AXIN1: variants seen among roughly 807,000 people sequenced by gnomAD.
The protein encoded by AXIN1 is axin-1.
Under a neutral mutation model 76.4 loss-of-function variants are expected in AXIN1, and 30 were observed. The ratio of observed to expected loss-of-function variants is 0.39; its 90% confidence interval spans 0.29 to 0.53. The LOEUF (loss-of-function observed/expected upper bound fraction) is 0.53, where lower values mean the gene tolerates loss of function less well. Ranked by LOEUF, AXIN1 falls within the 20% of genes least tolerant of loss-of-function variation. The pLI is 0.66. For synonymous variants in AXIN1, 545 were observed against 501.4 expected (o/e 1.09, Z -1.16); for missense variants, 1,140 against 1,198.8 (o/e 0.95, Z 0.72).
At chr16:332,140 C>G (rs917323821) in intron 2 of AXIN1, among the ~76,000 whole-genome samples, 3 of 152,204 alleles carry the variant, frequency 2.0e-5, no homozygotes, top group African/African-American at 7.2e-5. Context: ...TGGTCCCTGA[C>G]AGTCCTCTGT....
chr16:319,867 T>C (rs2053400266), intron 2 of AXIN1, among the ~76,000 whole-genome samples: 1 of 152,242 alleles, frequency 6.6e-6, no homozygotes, highest in Non-Finnish European at 1.5e-5. Flanking sequence ...TAGTGTGATG[T>C]GGAGGGAGCT....
Position 297,891 on chromosome 16 carries a change from C to T in AXIN1, c.1615G>A (p.Val539Ile), listed in dbSNP as rs370439934. 31 of 1,591,250 alleles carry T rather than the reference C, an allele frequency of 1.9e-5. No homozygotes were observed. Among genetic ancestry groups the T allele is most frequent in the African/African-American group, 2.7e-5 (2 of 74,646 alleles). ...TTGGGCCGGGCTGTGCTGTGGTGGA[C>T]GTGGTGGTGGACGTGTCGGTGGTGG... ...LHHHRHVHHH[V>I]HHSTARPKEQ... The change falls in exon 6 of 11, where the codon GTC becomes ATC. Residue 539 changes from valine (V) to isoleucine (I), a missense_variant. By Grantham distance (29) the Val-to-Ile change is conservative (BLOSUM62 3). Around this residue, in one of 3 missense-constraint regions of AXIN1, gnomAD observed 708 missense variants for 776.9 expected, o/e 0.91. Coordinates refer to ENST00000262320, the MANE Select transcript of AXIN1 (RefSeq NM_003502.4).
At chr16:344,441 A>AT (rs1373150162) in intron 2 of AXIN1, among the ~76,000 whole-genome samples, 4 of 151,242 alleles carry the variant, frequency 2.6e-5, no homozygotes, top group Non-Finnish European at 5.9e-5. Flanking sequence ...AAAAAAAAAA[A>AT]AAAATTAACC....
At chr16:290,892 C>T (rs1362607555) in intron 9 of AXIN1, 5 of 495,354 alleles carry the variant, frequency 1.0e-5, no homozygotes, top group Non-Finnish European at 1.9e-5. Flanking sequence ...GTCTCTGCCC[C>T]ACAGGAAGCC....
At position 352,553 on chromosome 16, in the gene AXIN1, C is replaced by CT; in HGVS notation, c.-267_-266insA. The CT allele has an allele frequency of 6.2e-6, 2 of 324,922 alleles. No homozygotes were observed. Among genetic ancestry groups the CT allele is most frequent in the Non-Finnish European group, 8.7e-6 (2 of 229,966 alleles). 20.1% of individuals were successfully genotyped at this position (324,922 alleles called of 1,614,324 possible). A position where few individuals can be genotyped will look rare whatever the true frequency, so the allele number is the denominator to read the frequency against. ...GACGCGGGGCAGGCCGCGGGGGCGCCGCAGGGGCCCAGCCGCCAGCTCCCA... is the reference window on the plus strand; with the variant it reads ...GACGCGGGGCAGGCCGCGGGGGCGCCTGCAGGGGCCCAGCCGCCAGCTCCCA... On this transcript the variant is annotated 5_prime_UTR_variant, in exon 1 of 11. Coordinates refer to ENST00000262320, the MANE Select transcript of AXIN1 (RefSeq NM_003502.4).
intron 2 of AXIN1, among the ~76,000 whole-genome samples, chr16:333,435 GAAAAA>G (rs756612335): frequency 9.8e-6 from 1 of 101,562 alleles, no homozygotes; most frequent in South Asian, 3.1e-4. Context: ...ACTCGCCTCA[GAAAAA>G]AAAAAAAAAG....
chr16:288,951 G>C (rs1021767017), intron 10 of AXIN1, among the ~76,000 whole-genome samples: 3 of 152,216 alleles, frequency 2.0e-5, no homozygotes, highest in African/African-American at 7.2e-5. Flanking sequence ...GGCCCTGGAC[G>C]GGGGTCCCTT....
At chr16:349,080 C>T (rs766812447) in intron 1 of AXIN1, among the ~76,000 whole-genome samples, 71 of 151,512 alleles carry the variant, frequency 4.7e-4, no homozygotes, top group Admixed American at 1.6e-3. Context: ...CCAGCTTGGG[C>T]GACAGAGTGA....
At chr16:292,816 C>G (rs1003430499) in intron 8 of AXIN1, 1 of 152,306 alleles carries the variant, frequency 6.6e-6, no homozygotes, top group Non-Finnish European at 1.5e-5. Context: ...GCAGCCCAGA[C>G]AGAAGCCTCC....
At position 299,158 on chromosome 16, in the gene AXIN1, G is replaced by A. The variant is rs184397887; in HGVS notation, c.1255-907C>T. The A allele has an allele frequency of 2.2e-4, 216 of 985,354 alleles. 1 individual carries two copies. In the South Asian group the frequency reaches 5.6e-3, roughly 26 times the overall value. The allele number at this position is 985,354 out of a possible 1,614,324, so 61.0% of individuals were successfully genotyped here. The stretch of plus-strand genomic sequence containing the variant: ...GCCTGACGAGCTTCCACATGAAGCC[G>A]GTGGAGTTTCACTTGATTCTCCAAG... On this transcript the variant is annotated intron_variant, in intron 5 of 10. Coordinates refer to ENST00000262320, the MANE Select transcript of AXIN1 (RefSeq NM_003502.4).
chr16:346,462 T>A lies in AXIN1; in HGVS notation c.564A>T (p.Glu188Asp), dbSNP rs2141703500. ...TGTTTTCCTCCATAGTGGCCTGGAT[T>A]TCGGTCTGGGCCTGGTCAAACATGG... is the stretch of plus-strand genomic sequence containing the variant. ...DPAMFDQAQT[E>D]IQATMEENTY... The change falls in exon 2 of 11, where the codon GAA (glutamate) becomes GAT (aspartate). Residue 188 changes from glutamate to aspartate, a missense_variant. This residue lies in a region of AXIN1 where 708 missense variants were observed against 776.9 expected (regional missense o/e 0.91). Transcript: ENST00000262320. The A allele has an allele frequency of 1.2e-6, 2 of 1,614,234 alleles. No individual in the cohort carries two copies. Among genetic ancestry groups the A allele is most frequent in the Non-Finnish European group, 1.7e-6 (2 of 1,180,042 alleles).
In AXIN1 at chr16:287,609, AGCCG is replaced by A. The variant is rs1348687614; in HGVS notation, c.*509_*512del. 1 of 316,070 alleles carries A rather than the reference AGCCG, an allele frequency of 3.2e-6. No homozygotes were observed. The highest frequency in any genetic ancestry group is 2.1e-5 in the African/African-American group (1 of 47,942). 19.6% of individuals were successfully genotyped at this position (316,070 alleles called of 1,614,324 possible). A position where few individuals can be genotyped will look rare whatever the true frequency, so the allele number is the denominator to read the frequency against. ...CAGAAAGGAGGACCCAGGACTGCAC[AGCCG>A]GCGGCTGGAGGCAGGTGCAGTGCTC... On this transcript the variant is annotated 3_prime_UTR_variant, in exon 11 of 11. Transcript: ENST00000262320.
Position 293,294 on chromosome 16 carries a change from G to C in AXIN1, c.2186+194C>G. On this transcript the variant is annotated intron_variant, in intron 8 of 10. Coordinates refer to ENST00000262320, the MANE Select transcript of AXIN1 (RefSeq NM_003502.4). The surrounding 1 kb of genome is among the most constrained non-coding windows in gnomAD (Gnocchi z 4.6). ...CGGGTGTGTGAAAGCTCCAGCCCCAGCCTCCGTCCACCGCAGGGTGGCCTG... is the reference window on the plus strand; with the variant it reads ...CGGGTGTGTGAAAGCTCCAGCCCCACCCTCCGTCCACCGCAGGGTGGCCTG... The C allele has an allele frequency of 1.6e-6, 1 of 627,916 alleles. No homozygotes were observed. Among genetic ancestry groups the C allele is most frequent in the Non-Finnish European group, 2.8e-6 (1 of 361,308 alleles). The allele number at this position is 627,916 out of a possible 1,614,324, so 38.9% of individuals were successfully genotyped here.
intron 5 of AXIN1, among the ~76,000 whole-genome samples, chr16:301,060 G>C (rs542079160): frequency 1.3e-5 from 2 of 151,950 alleles, no homozygotes; most frequent in African/African-American, 2.4e-5. Context: ...CACAAGGTCG[G>C]GAGATCGAGA....
At chr16:340,421 C>T (rs1041634337) in intron 2 of AXIN1, among the ~76,000 whole-genome samples, 8 of 152,206 alleles carry the variant, frequency 5.3e-5, no homozygotes, top group East Asian at 1.9e-4. Context: ...GGGCCAGCGG[C>T]GAGGAGACTG....
intron 2 of AXIN1, among the ~76,000 whole-genome samples, chr16:320,739 A>T (rs78817216): frequency 0.15 from 13,434 of 91,244 alleles, 887 homozygotes; most frequent in South Asian, 0.29. Context: ...ATATATATAT[A>T]TATATTTTTT....
intron 5 of AXIN1, 135 bp from the exon 6 acceptor site, chr16:298,386 C>G: frequency 9.2e-7 from 1 of 1,084,670 alleles, no homozygotes; most frequent in South Asian, 1.3e-5. Flanking sequence ...CCCTCGCCAC[C>G]GGTCCTGTCC....
intron 9 of AXIN1, chr16:289,971 G>C (rs2052508726): frequency 2.6e-6 from 1 of 391,428 alleles, no homozygotes; most frequent in African/African-American, 2.1e-5. Context: ...AAAAACATCT[G>C]AAGGGCAGGG....
At chr16:303,560 T>C (rs932615097) in intron 5 of AXIN1, among the ~76,000 whole-genome samples, 2 of 151,942 alleles carry the variant, frequency 1.3e-5, no homozygotes, top group African/African-American at 4.8e-5. Flanking sequence ...TTTGTATTTT[T>C]CATTAGAGAT....
Sources: allele counts gnomAD v4.1 joint callset (sites outside exome capture counted in the v4.1 genomes callset), GRCh38; gene constraint gnomAD v4.1.1; regional missense constraint gnomAD v4.1.1; non-coding constraint Gnocchi (gnomAD v3.1); transcripts MANE v1.5; gene names NCBI Gene and HGNC (gene_info 2026-07-23, HGNC 2026-07-21).